Variants in LMNTD1 observed in about 807,000 individuals in gnomAD.
LMNTD1 encodes the protein lamin tail domain-containing protein 1.
LMNTD1 carries 35 observed loss-of-function variants against 50.9 expected under a neutral mutation model. That is an observed-to-expected ratio of 0.69 (90% CI 0.53 to 0.91). The LOEUF is 0.91. Among genes scored for constraint, LMNTD1 ranks in the 40% least tolerant of loss-of-function variants. LMNTD1 has a pLI of 0.00. For synonymous variants in LMNTD1, 153 were observed against 161.9 expected (o/e 0.94, Z 0.42); for missense variants, 470 against 475.5 (o/e 0.99, Z 0.11).
chr12:25,561,026 C>A (rs145238422), intron 1 of LMNTD1, among the ~76,000 whole-genome samples: 1,876 of 151,842 alleles, frequency 0.012, 34 homozygotes, highest in African/African-American at 0.042. Flanking sequence ...CCCTTTTTTT[C>A]TTTCTCTTGC....
At chr12:25,589,387 T>C (rs1039300001) in intron 1 of LMNTD1, among the ~76,000 whole-genome samples, 1 of 152,148 alleles carries the variant, frequency 6.6e-6, no homozygotes, top group African/African-American at 2.4e-5. Context: ...ACAACAGTGG[T>C]AAAACTGCAA....
intron 4 of LMNTD1, among the ~76,000 whole-genome samples, chr12:25,529,660 A>T (rs1313517734): frequency 6.6e-6 from 1 of 152,140 alleles, no homozygotes; most frequent in African/African-American, 2.4e-5. Context: ...TGAGACACTG[A>T]ATCAACATCC....
chr12:25,619,252 C>CTATATATATATATATATATATATA (rs71450756), intron 1 of LMNTD1, among the ~76,000 whole-genome samples: 5 of 84,440 alleles, frequency 5.9e-5, no homozygotes, highest in Admixed American at 3.4e-4. Flanking sequence ...CTCTCTCTCT[C>CTATATATATATATATATATATATA]TATATATATA....
chr12:25,584,844 G>T (rs1945452725), intron 1 of LMNTD1, among the ~76,000 whole-genome samples: 2 of 152,236 alleles, frequency 1.3e-5, no homozygotes, highest in Non-Finnish European at 2.9e-5. Context: ...AGTAAGGAGT[G>T]TTTTTCCATG....
chr12:25,563,812 C>T (rs532416707), intron 1 of LMNTD1, among the ~76,000 whole-genome samples: 5 of 152,174 alleles, frequency 3.3e-5, no homozygotes, highest in East Asian at 1.9e-4. Flanking sequence ...GCTTTCAGGC[C>T]GCTTTGTTTA....
chr12:25,554,753 T>A (rs1430461411), upstream of LMNTD1, among the ~76,000 whole-genome samples: 1 of 152,168 alleles, frequency 6.6e-6, no homozygotes, highest in Admixed American at 6.5e-5. Flanking sequence ...TAGGCATTCA[T>A]GCAGGTGAAA....
At chr12:25,608,856 G>C (rs980545009) in intron 1 of LMNTD1, among the ~76,000 whole-genome samples, 3 of 152,172 alleles carry the variant, frequency 2.0e-5, no homozygotes, top group African/African-American at 7.2e-5. Flanking sequence ...TCCTGAATTT[G>C]AATGTTGCCC....
chr12:25,579,976 A>G (rs1945209094), intron 1 of LMNTD1, among the ~76,000 whole-genome samples: 1 of 152,112 alleles, frequency 6.6e-6, no homozygotes, highest in African/African-American at 2.4e-5. Context: ...AAGAAAGTAA[A>G]AACTTATTAG....
At chr12:25,503,653 G>T in intron 9 of LMNTD1, 85 bp downstream of exon 9, 1 of 755,148 alleles carries the variant, frequency 1.3e-6, no homozygotes, top group South Asian at 1.6e-5. Flanking sequence ...CCCATGTTCT[G>T]ATGACTTTCA....
At chr12:25,478,965 G>A (rs972419249) in intron 9 of LMNTD1, among the ~76,000 whole-genome samples, 5 of 151,732 alleles carry the variant, frequency 3.3e-5, no homozygotes, top group Non-Finnish European at 7.4e-5. Context: ...GAGCTGTTGT[G>A]GTTTCCCATT....
At chr12:25,520,159 T>TATATATATATATATATATATAC (rs1941203917) in intron 6 of LMNTD1, 84 bp from the exon 7 acceptor site, 3 of 216,636 alleles carry the variant, frequency 1.4e-5, no homozygotes, top group Non-Finnish European at 2.7e-5. Context: ...TATATATATA[T>TATATATATATATATATATATAC]ATATATATAT....
At chr12:25,607,905 T>C (rs28844286) in intron 1 of LMNTD1, among the ~76,000 whole-genome samples, 49,760 of 151,974 alleles carry the variant, frequency 0.33, 9,367 homozygotes, top group East Asian at 0.86. Flanking sequence ...CTTTCTGTCT[T>C]GTTGATCTGT....
At chr12:25,483,614 A>G (rs1938515568) in intron 9 of LMNTD1, among the ~76,000 whole-genome samples, 1 of 151,640 alleles carries the variant, frequency 6.6e-6, no homozygotes, top group Non-Finnish European at 1.5e-5. Flanking sequence ...TCTACTAAAA[A>G]TACAAAAATT....
chr12:25,641,174 T>A (rs1042434396), intron 1 of LMNTD1, among the ~76,000 whole-genome samples: 1 of 152,176 alleles, frequency 6.6e-6, no homozygotes, highest in African/African-American at 2.4e-5. Context: ...AGAATAGATC[T>A]GATAAGTGCA....
Position 25,525,705 on chromosome 12 carries a change from G to A in LMNTD1, c.798+394C>T, listed in dbSNP as rs150886833. 2.9e-3 allele frequency among the ~76,000 whole-genome samples: 445 copies of A among 152,112 alleles called. 5 individuals are homozygous for A. The highest frequency in any genetic ancestry group is 0.01 in the African/African-American group (421 of 41,528). ...CAAGCTTTAAGGATAAAAAAAAATC[G>A]GGTGAGCTAAGAGGATGGGGAACAT... is the stretch of plus-strand genomic sequence containing the variant. On this transcript the variant is annotated intron_variant, in intron 6 of 9. Coordinates refer to ENST00000458174, the MANE Select transcript of LMNTD1 (RefSeq NM_001145728.2).
At chr12:25,610,366 T>C (rs998170766) in intron 1 of LMNTD1, among the ~76,000 whole-genome samples, 1 of 152,040 alleles carries the variant, frequency 6.6e-6, no homozygotes, top group Non-Finnish European at 1.5e-5. Context: ...CCAGTCCCAA[T>C]GAGATGAACC....
chr12:25,530,159 C>G (rs1192284595), intron 4 of LMNTD1, among the ~76,000 whole-genome samples: 1 of 152,112 alleles, frequency 6.6e-6, no homozygotes, highest in Non-Finnish European at 1.5e-5. Context: ...ATGTTCATAT[C>G]ATTTCATTCA....
At chr12:25,507,612 C>T (rs1296704142) in intron 8 of LMNTD1, among the ~76,000 whole-genome samples, 1 of 152,158 alleles carries the variant, frequency 6.6e-6, no homozygotes, top group Non-Finnish European at 1.5e-5. Context: ...CATGGTCATG[C>T]CATAGAGAAG....
intron 8 of LMNTD1, among the ~76,000 whole-genome samples, chr12:25,518,496 GT>G (rs11356395): frequency 0.74 from 112,294 of 151,988 alleles, 42,461 homozygotes; most frequent in East Asian, 0.88. Context: ...AACAAAAAGT[GT>G]TTTTTCATTG....
Sources: gnomAD v4.1 joint callset for allele counts (sites outside exome capture counted in the v4.1 genomes callset) on GRCh38, gnomAD v4.1.1 for gene constraint, MANE v1.5 for transcripts, NCBI Gene and HGNC (gene_info 2026-07-23, HGNC 2026-07-21) for gene names.